COMMD7: variants seen among roughly 807,000 people sequenced by gnomAD.
COMMD7 encodes COMM domain containing 7.
Under a neutral mutation model 34.8 loss-of-function variants are expected in COMMD7, and 28 were observed. The ratio of observed to expected loss-of-function variants is 0.80; its 90% CI spans 0.60 to 1.10. The LOEUF is 1.10. COMMD7 is among the 50% of genes least tolerant of loss of function. COMMD7 has a pLI of 0.00. For missense variants in COMMD7, 211 were observed against 241.6 expected, an observed-to-expected ratio of 0.87 and a Z score of 0.84; for synonymous variants, 80 against 86.4, an observed-to-expected ratio of 0.93 and a Z score of 0.41.
intron 3 of COMMD7, among the ~76,000 whole-genome samples, chr20:32,712,692 T>C (rs1026561369): frequency 6.8e-6 from 1 of 146,786 alleles, no homozygotes; most frequent in Non-Finnish European, 1.5e-5. Context: ...TTTAAGAACA[T>C]CCTTCTTCAA....
chr20:32,738,519 G>A (rs933786742), intron 1 of COMMD7, among the ~76,000 whole-genome samples: 5 of 152,018 alleles, frequency 3.3e-5, no homozygotes, highest in African/African-American at 7.2e-5. Flanking sequence ...CCTAGGAGGC[G>A]GAGGTTGCAG....
intron 5 of COMMD7, 124 bp downstream of exon 5, chr20:32,706,459 G>A: frequency 1.4e-6 from 1 of 726,304 alleles, no homozygotes; most frequent in Non-Finnish European, 2.3e-6. Context: ...GTTGTGGTGA[G>A]CCGAGATCAC....
chr20:32,743,237 T>TGGCCCCCCCCCCCC, intron 1 of COMMD7, 71 bp downstream of exon 1: 2 of 526,950 alleles, frequency 3.8e-6, no homozygotes, highest in Non-Finnish European at 3.1e-6. Flanking sequence ...CCCCCGGACG[T>TGGCCCCCCCCCCCC]CCCCCCCACC....
intron 8 of COMMD7, chr20:32,703,706 G>A: frequency 6.9e-7 from 1 of 1,440,242 alleles, no homozygotes. Flanking sequence ...AGATGAAAGG[G>A]TATCATTCGG....
chr20:32,727,249 A>G (rs1985560408), intron 3 of COMMD7, among the ~76,000 whole-genome samples: 1 of 151,994 alleles, frequency 6.6e-6, no homozygotes, highest in African/African-American at 2.4e-5. Flanking sequence ...GCTCCATTTA[A>G]AAAAATTATT....
chr20:32,737,369 C>CA (rs1376796467), intron 1 of COMMD7, among the ~76,000 whole-genome samples: 8 of 19,696 alleles, frequency 4.1e-4, no homozygotes, highest in Middle Eastern at 0.056. Context: ...GACTCCGTCT[C>CA]AAAAAAAAAA....
At chr20:32,719,467 G>C (rs1184147064) in intron 3 of COMMD7, among the ~76,000 whole-genome samples, 1 of 151,992 alleles carries the variant, frequency 6.6e-6, no homozygotes, top group Non-Finnish European at 1.5e-5. Flanking sequence ...TGGCCAACAA[G>C]GTGAAACCCC....
intron 3 of COMMD7, among the ~76,000 whole-genome samples, chr20:32,710,356 TGA>T: frequency 6.6e-6 from 1 of 152,270 alleles, no homozygotes; most frequent in East Asian, 1.9e-4. Flanking sequence ...TCCCAAGCTC[TGA>T]GAGAAATGCC....
At chr20:32,712,269 CAAAAAAAAAAAAAAA>C (rs56096713) in intron 3 of COMMD7, among the ~76,000 whole-genome samples, 2 of 71,826 alleles carry the variant, frequency 2.8e-5, no homozygotes, top group South Asian at 6.2e-4. Context: ...GACTCCGTCT[CAAAAAAAAAAAAAAA>C]AAAAAAAAAA....
Position 32,706,630 on chromosome 20 carries a change from A to G in COMMD7, c.299-10T>C, listed in dbSNP as rs1355422481. Reference sequence around the variant, plus strand: ...TTCTCCTCACTAAGACCTATAAGAGAACAGAAGGAGATATTAACATAATAA... The same window carrying G: ...TTCTCCTCACTAAGACCTATAAGAGGACAGAAGGAGATATTAACATAATAA... On this transcript the variant is annotated splice_polypyrimidine_tract_variant and intron_variant, in intron 4 of 8. Coordinates refer to ENST00000278980, the MANE Select transcript of COMMD7 (RefSeq NM_053041.3). The G allele has an allele frequency of 1.2e-6, 2 of 1,612,080 alleles. No homozygotes were observed. Among genetic ancestry groups the G allele is most frequent in the African/African-American group, 1.3e-5 (1 of 74,846 alleles).
At chr20:32,740,941 G>A (rs748753121) in intron 1 of COMMD7, among the ~76,000 whole-genome samples, 2 of 150,502 alleles carry the variant, frequency 1.3e-5, no homozygotes, top group South Asian at 2.1e-4. Flanking sequence ...TCAGGAGTTC[G>A]TGACCAGCCT....
At chr20:32,731,330 TAAAAAA>T (rs1424731569) in intron 1 of COMMD7, among the ~76,000 whole-genome samples, 1 of 151,516 alleles carries the variant, frequency 6.6e-6, no homozygotes, top group Non-Finnish European at 1.5e-5. Flanking sequence ...AAAATAAAAA[TAAAAAA>T]TAAAAATAAA....
chr20:32,732,468 C>G (rs1032828254), intron 1 of COMMD7, among the ~76,000 whole-genome samples: 1 of 152,030 alleles, frequency 6.6e-6, no homozygotes, highest in African/African-American at 2.4e-5. Flanking sequence ...AGGTATGTTC[C>G]AAAAAGTAAA....
At chr20:32,725,867 A>G (rs1568787458) in intron 3 of COMMD7, among the ~76,000 whole-genome samples, 1 of 151,812 alleles carries the variant, frequency 6.6e-6, no homozygotes, top group Admixed American at 6.6e-5. Flanking sequence ...CCTGGCCAGC[A>G]TGGCAAAACC....
At chr20:32,723,236 A>G (rs1292345555) in intron 3 of COMMD7, among the ~76,000 whole-genome samples, 1 of 37,312 alleles carries the variant, frequency 2.7e-5, no homozygotes, top group East Asian at 4.8e-4. Flanking sequence ...GCTCACTGCA[A>G]CCTCCCTGCC....
intron 3 of COMMD7, among the ~76,000 whole-genome samples, chr20:32,717,654 G>T (rs1282482043): frequency 1.3e-5 from 2 of 151,858 alleles, no homozygotes; most frequent in African/African-American, 4.8e-5. Context: ...TAGAGGTAGT[G>T]TCTCATTATG....
At chr20:32,724,314 G>A (rs1985385163) in intron 3 of COMMD7, among the ~76,000 whole-genome samples, 1 of 20,410 alleles carries the variant, frequency 4.9e-5, no homozygotes, top group African/African-American at 1.6e-4. Flanking sequence ...CCGGGAGGGA[G>A]GTGGGGGGGT....
At chr20:32,741,023 G>A (rs938368204) in intron 1 of COMMD7, among the ~76,000 whole-genome samples, 9 of 151,826 alleles carry the variant, frequency 5.9e-5, no homozygotes, top group South Asian at 2.1e-4. Flanking sequence ...CACGCCTGTA[G>A]TCCCAGCTAC....
At chr20:32,712,143 G>T (rs998063446) in intron 3 of COMMD7, among the ~76,000 whole-genome samples, 2 of 151,772 alleles carry the variant, frequency 1.3e-5, no homozygotes, top group African/African-American at 4.8e-5. Flanking sequence ...GGTGGCAGGC[G>T]CCTGTAATCC....
Sources: gnomAD v4.1 joint callset for allele counts (sites outside exome capture counted in the v4.1 genomes callset) on GRCh38, gnomAD v4.1.1 for gene constraint, MANE v1.5 for transcripts, NCBI Gene and HGNC (gene_info 2026-07-23, HGNC 2026-07-21) for gene names.